Variants in TTC28 observed in about 807,000 individuals in gnomAD.
The protein encoded by TTC28 is tetratricopeptide repeat domain 28, also known as tetratricopeptide repeat protein 28.
Under a neutral mutation model 198.0 loss-of-function variants are expected in TTC28, and 61 were observed. That is an observed-to-expected ratio of 0.31 (90% confidence interval 0.25 to 0.38). TTC28 has a LOEUF of 0.38. Ranked by LOEUF, TTC28 falls within the 10% of genes least tolerant of loss-of-function variation. TTC28 has a pLI of 1.00. For missense variants in TTC28, 2,678 were observed against 3,164.0 expected (o/e 0.85, Z 3.69); for synonymous variants, 1,171 against 1,297.8 (o/e 0.90, Z 2.10).
At chr22:28,291,534 A>G (rs1471176371) in intron 5 of TTC28, among the ~76,000 whole-genome samples, 1 of 152,208 alleles carries the variant, frequency 6.6e-6, no homozygotes, top group Non-Finnish European at 1.5e-5. Context: ...TATTAAATTG[A>G]CTTTTTGGTT....
At chr22:28,553,136 G>C (rs907199584) in intron 2 of TTC28, among the ~76,000 whole-genome samples, 2 of 152,210 alleles carry the variant, frequency 1.3e-5, no homozygotes, top group Non-Finnish European at 2.9e-5. Flanking sequence ...TCCGCTCGCT[G>C]CAACCTCTAC....
chr22:28,523,946 C>T (rs2048958285), intron 2 of TTC28, among the ~76,000 whole-genome samples: 1 of 152,008 alleles, frequency 6.6e-6, no homozygotes, highest in African/African-American at 2.4e-5. Flanking sequence ...ATCCCTTTTC[C>T]TCCTTTCAAT....
chr22:28,033,855 T>TGG (rs776076671), intron 12 of TTC28, among the ~76,000 whole-genome samples: 111 of 152,306 alleles, frequency 7.3e-4, no homozygotes, highest in Middle Eastern at 3.4e-3. Context: ...GACACTCAGC[T>TGG]GGGGCTGGGA....
At chr22:28,334,013 C>A (rs2045661905) in intron 2 of TTC28, among the ~76,000 whole-genome samples, 1 of 131,892 alleles carries the variant, frequency 7.6e-6, no homozygotes, top group African/African-American at 2.8e-5. Flanking sequence ...CCCCCCACCC[C>A]ACAACAGACC....
intron 5 of TTC28, among the ~76,000 whole-genome samples, chr22:28,274,064 T>C (rs1412064676): frequency 2.6e-5 from 4 of 152,172 alleles, no homozygotes; most frequent in Admixed American, 1.3e-4. Flanking sequence ...GGATATACTA[T>C]ATGAAACCAT....
At chr22:28,651,595 T>G (rs1236099528) in intron 1 of TTC28, among the ~76,000 whole-genome samples, 1 of 150,516 alleles carries the variant, frequency 6.6e-6, no homozygotes, top group Non-Finnish European at 1.5e-5. Flanking sequence ...TTTTATTTTT[T>G]TGTAGATATA....
At chr22:28,018,303 G>GCA (rs1265346555) in intron 13 of TTC28, among the ~76,000 whole-genome samples, 1 of 108,002 alleles carries the variant, frequency 9.3e-6, no homozygotes, top group East Asian at 2.9e-4. Flanking sequence ...GTGTGTGCGC[G>GCA]CGCGGGGGGG....
intron 21 of TTC28, 134 bp from the exon 22 acceptor site, chr22:27,985,490 C>T: frequency 3.0e-6 from 2 of 674,750 alleles, no homozygotes; most frequent in Non-Finnish European, 5.0e-6. Context: ...GGGCCTGGGG[C>T]TTCCCCATGT....
At chr22:28,154,114 T>C (rs1943684603) in intron 6 of TTC28, among the ~76,000 whole-genome samples, 1 of 152,216 alleles carries the variant, frequency 6.6e-6, no homozygotes, top group Non-Finnish European at 1.5e-5. Context: ...TAATTCTGCC[T>C]GGTTTCCCAG....
At chr22:27,995,667 C>T (rs898810724) in intron 17 of TTC28, among the ~76,000 whole-genome samples, 6 of 152,148 alleles carry the variant, frequency 3.9e-5, no homozygotes, top group African/African-American at 9.7e-5. Context: ...CAAATCCTCA[C>T]GATAACCTTG....
At chr22:28,440,666 G>A (rs186158455) in intron 2 of TTC28, among the ~76,000 whole-genome samples, 77 of 152,274 alleles carry the variant, frequency 5.1e-4, no homozygotes, top group Non-Finnish European at 9.7e-4. Flanking sequence ...CATCTGTAGG[G>A]TAAATGGTTT....
intron 2 of TTC28, among the ~76,000 whole-genome samples, chr22:28,401,008 T>C (rs2146101349): frequency 1.3e-5 from 2 of 152,322 alleles, no homozygotes; most frequent in East Asian, 3.9e-4. Context: ...TTTTAGCTTC[T>C]TTAATTCTTA....
At chr22:28,504,270 G>C (rs1056401511) in intron 2 of TTC28, among the ~76,000 whole-genome samples, 12 of 152,090 alleles carry the variant, frequency 7.9e-5, no homozygotes, top group Admixed American at 7.9e-4. Context: ...ACAAGTAAAA[G>C]TGAGATATAT....
At chr22:28,217,716 A>G (rs935564270) in intron 5 of TTC28, among the ~76,000 whole-genome samples, 1 of 152,216 alleles carries the variant, frequency 6.6e-6, no homozygotes, top group Admixed American at 6.5e-5. Flanking sequence ...ATACTTAATA[A>G]GTACAATTCC....
At chr22:28,247,392 C>T (rs1437426357) in intron 5 of TTC28, among the ~76,000 whole-genome samples, 4 of 152,292 alleles carry the variant, frequency 2.6e-5, no homozygotes, top group Admixed American at 1.3e-4. Flanking sequence ...CTGAGAGTTG[C>T]TTACAGTTCA....
chr22:28,455,973 C>A (rs1055800733), intron 2 of TTC28, among the ~76,000 whole-genome samples: 1 of 152,010 alleles, frequency 6.6e-6, no homozygotes, highest in Admixed American at 6.5e-5. Context: ...GCATGGCCAA[C>A]AGAGTGAAAC....
chr22:28,614,499 A>C (rs994246007), intron 2 of TTC28, among the ~76,000 whole-genome samples: 10 of 152,198 alleles, frequency 6.6e-5, no homozygotes, highest in African/African-American at 2.4e-4. Context: ...AATCCTAAGC[A>C]AAAAGAACAA....
intron 5 of TTC28, among the ~76,000 whole-genome samples, chr22:28,163,810 T>C (rs1242021912): frequency 6.6e-6 from 1 of 152,118 alleles, no homozygotes; most frequent in Non-Finnish European, 1.5e-5. Flanking sequence ...GGACAGTGGG[T>C]GCAGCGCACC....
chr22:28,651,998 C>T (rs529772029), intron 1 of TTC28, among the ~76,000 whole-genome samples: 2 of 152,116 alleles, frequency 1.3e-5, no homozygotes, highest in Non-Finnish European at 1.5e-5. Context: ...CTCCACCACA[C>T]CTGGCTAATT....
Sources: allele counts gnomAD v4.1 joint callset (sites outside exome capture counted in the v4.1 genomes callset), GRCh38; gene constraint gnomAD v4.1.1; transcripts MANE v1.5; gene names NCBI Gene and HGNC (gene_info 2026-07-23, HGNC 2026-07-21).